ARHGAP39: variants seen among roughly 807,000 people sequenced by gnomAD.
ARHGAP39 encodes Rho GTPase activating protein 39.
In ARHGAP39, 44 loss-of-function variants were observed where a neutral mutation model predicts 106.9. The observed-to-expected ratio is 0.41, with a 90% CI of 0.32 to 0.53. The LOEUF is 0.53. ARHGAP39 is among the 20% of genes least tolerant of loss of function. ARHGAP39 has a pLI of 0.21. For missense variants in ARHGAP39, 1,496 were observed against 1,577.3 expected, an observed-to-expected ratio of 0.95 and a Z score of 0.87; for synonymous variants, 768 against 693.2, an observed-to-expected ratio of 1.11 and a Z score of -1.69.
At chr8:144,572,163 T>G (rs1173417493) in intron 3 of ARHGAP39, among the ~76,000 whole-genome samples, 1 of 152,150 alleles carries the variant, frequency 6.6e-6, no homozygotes, top group African/African-American at 2.4e-5. Flanking sequence ...GAGCCCACAT[T>G]GCCAAGACAA....
At chr8:144,589,815 G>C (rs1819323569) in intron 2 of ARHGAP39, among the ~76,000 whole-genome samples, 1 of 152,250 alleles carries the variant, frequency 6.6e-6, no homozygotes, top group African/African-American at 2.4e-5. Flanking sequence ...CCAGGCGCCT[G>C]TGAGGTGGGG....
chr8:144,686,450 A>G (rs1204274408), upstream of ARHGAP39, among the ~76,000 whole-genome samples: 1 of 152,148 alleles, frequency 6.6e-6, no homozygotes, highest in Non-Finnish European at 1.5e-5. Flanking sequence ...ATTGAATCTG[A>G]CTGGCATTTC....
chr8:144,638,009 A>G (rs1183922252), intron 1 of ARHGAP39, among the ~76,000 whole-genome samples: 1 of 152,006 alleles, frequency 6.6e-6, no homozygotes, highest in East Asian at 1.9e-4. Context: ...CTTTCCTTTT[A>G]AAACATTTTT....
At chr8:144,601,069 C>T (rs1166973997) in intron 2 of ARHGAP39, among the ~76,000 whole-genome samples, 2 of 134,532 alleles carry the variant, frequency 1.5e-5, no homozygotes, top group African/African-American at 2.9e-5. Context: ...CGTGCGAGCT[C>T]GTGTACCTGT....
upstream of ARHGAP39, among the ~76,000 whole-genome samples, chr8:144,688,082 A>C (rs1034683419): frequency 6.6e-6 from 1 of 152,112 alleles, no homozygotes; most frequent in Non-Finnish European, 1.5e-5. Context: ...AATATACAAA[A>C]TATTTATAGA....
chr8:144,602,686 A>C (rs1439115807), intron 2 of ARHGAP39, among the ~76,000 whole-genome samples: 1 of 106,892 alleles, frequency 9.4e-6, no homozygotes, highest in East Asian at 3.2e-4. Context: ...GAGCTCGTGT[A>C]CCTGTGTGCA....
At chr8:144,610,001 T>C (rs1334115098) in intron 1 of ARHGAP39, among the ~76,000 whole-genome samples, 1 of 152,242 alleles carries the variant, frequency 6.6e-6, no homozygotes, top group East Asian at 1.9e-4. Flanking sequence ...ATCTATTTAA[T>C]AGATACAGAG....
chr8:144,695,396 C>T, the ARHGAP39 span, among the ~76,000 whole-genome samples: 1 of 146,278 alleles, frequency 6.8e-6, no homozygotes, highest in South Asian at 2.2e-4. Context: ...TTCTATACAC[C>T]ATTAATTCAT....
intron 3 of ARHGAP39, among the ~76,000 whole-genome samples, chr8:144,575,424 T>C (rs1414855933): frequency 6.6e-6 from 1 of 152,226 alleles, no homozygotes; most frequent in Non-Finnish European, 1.5e-5. Context: ...ATTTTCTTTC[T>C]TTACATTCTT....
intron 1 of ARHGAP39, among the ~76,000 whole-genome samples, chr8:144,633,593 T>C (rs907772401): frequency 1.3e-5 from 2 of 152,268 alleles, no homozygotes; most frequent in Non-Finnish European, 2.9e-5. Context: ...TAGTTAACTA[T>C]GAATTTCATG....
At chr8:144,587,346 C>A (rs1819217173) in intron 2 of ARHGAP39, among the ~76,000 whole-genome samples, 1 of 152,080 alleles carries the variant, frequency 6.6e-6, no homozygotes, top group South Asian at 2.1e-4. Flanking sequence ...GGGTTCGGAG[C>A]CAGAACGCGT....
At chr8:144,530,666 G>C in intron 11 of ARHGAP39, 36 bp downstream of exon 11, 1 of 1,534,372 alleles carries the variant, frequency 6.5e-7, no homozygotes, top group Non-Finnish European at 8.8e-7. Flanking sequence ...GGGGCGGGGA[G>C]GGGAAAGCAG....
At chr8:144,602,753 T>TGC (rs1820084463) in intron 2 of ARHGAP39, among the ~76,000 whole-genome samples, 1 of 132,966 alleles carries the variant, frequency 7.5e-6, no homozygotes, top group African/African-American at 2.9e-5. Flanking sequence ...GGCGTGTGTG[T>TGC]GAGCTCGTGT....
intron 1 of ARHGAP39, among the ~76,000 whole-genome samples, chr8:144,667,042 C>T (rs1017424599): frequency 2.6e-5 from 4 of 152,228 alleles, no homozygotes; most frequent in Non-Finnish European, 5.9e-5. Flanking sequence ...TTCCATAAAA[C>T]CATTTCGAAC....
rs1239461415 is a variant in ARHGAP39, at chr8:144,555,608, T to C, written c.548A>G (p.Tyr183Cys). The C allele has an allele frequency of 9.9e-6, 16 of 1,613,860 alleles. No homozygotes were observed. The highest frequency in any genetic ancestry group is 1.3e-5 in the Non-Finnish European group (15 of 1,180,010). ...SPPGVFLEKD[Y>C]EIYRDYSADG... is the part of the protein sequence containing the mutation. ...CGCACTGTAATCCCGGTAAATCTCA[T>C]AGTCCTTCTCAAGGAACACTCCTGG... is the stretch of plus-strand genomic sequence containing the variant. Residue 183 changes from tyrosine to cysteine, a missense_variant, in exon 4 of 12, where the codon TAT becomes TGT. Coordinates refer to ENST00000377307, the MANE Select transcript of ARHGAP39 (RefSeq NM_025251.3).
intron 1 of ARHGAP39, among the ~76,000 whole-genome samples, chr8:144,631,122 T>C (rs535035447): frequency 8.5e-4 from 130 of 152,314 alleles, no homozygotes; most frequent in African/African-American, 2.8e-3. Flanking sequence ...CCATCTCGCA[T>C]GAGCCAGAGC....
intron 2 of ARHGAP39, among the ~76,000 whole-genome samples, chr8:144,601,608 ATC>A (rs1205920342): frequency 1.2e-4 from 12 of 103,296 alleles, no homozygotes; most frequent in Admixed American, 9.3e-4. Context: ...GAGCTCATGT[ATC>A]TGTGTGTGCA....
chr8:144,546,614 G>A (rs575929976), intron 5 of ARHGAP39, among the ~76,000 whole-genome samples: 1 of 152,352 alleles, frequency 6.6e-6, no homozygotes, highest in East Asian at 1.9e-4. Flanking sequence ...ATCAGCTCCA[G>A]GAGCCAGATG....
chr8:144,610,410 CA>C (rs1323681324), intron 1 of ARHGAP39, among the ~76,000 whole-genome samples: 1 of 151,966 alleles, frequency 6.6e-6, no homozygotes, highest in African/African-American at 2.4e-5. Context: ...GTGATTTGTA[CA>C]TTTAAAAAAA....
Sources: gnomAD v4.1 joint callset for allele counts (sites outside exome capture counted in the v4.1 genomes callset) on GRCh38, gnomAD v4.1.1 for gene constraint, MANE v1.5 for transcripts, NCBI Gene and HGNC (gene_info 2026-07-23, HGNC 2026-07-21) for gene names.